The following AGBL4 variants were observed in gnomAD, a reference collection of about 807,000 sequenced individuals.
The protein encoded by AGBL4 is cytosolic carboxypeptidase 6.
In AGBL4, 58 loss-of-function variants were observed where a neutral mutation model predicts 66.4. The ratio of observed to expected loss-of-function variants is 0.87; its 90% CI spans 0.71 to 1.09. The LOEUF (loss-of-function observed/expected upper bound fraction) is 1.09, where lower values mean the gene tolerates loss of function less well. AGBL4 is among the 50% of genes least tolerant of loss of function. The pLI, the probability that AGBL4 is intolerant of heterozygous loss-of-function variation, is 0.00. For missense variants in AGBL4, 579 were observed against 631.0 expected (o/e 0.92, Z 0.88); for synonymous variants, 234 against 222.9 (o/e 1.05, Z -0.44).
At chr1:49,338,047 A>C (rs1645471682) in intron 3 of AGBL4, among the ~76,000 whole-genome samples, 1 of 152,194 alleles carries the variant, frequency 6.6e-6, no homozygotes, top group African/African-American at 2.4e-5. Context: ...AAATTATTGA[A>C]GTTTAGTTAC....
At position 48,795,523 on chromosome 1, in the gene AGBL4, A is replaced by G. The variant is rs1015198699; in HGVS notation, c.634+71668T>C. On this transcript the variant is annotated intron_variant, in intron 6 of 13. Coordinates refer to ENST00000371839, the MANE Select transcript of AGBL4 (RefSeq NM_032785.4). Reference sequence around the variant, plus strand: ...TATCCTGTATACCCAGTTTCCTCCAATGGTAACATCTTGCATACTAGAGTA... The same window carrying G: ...TATCCTGTATACCCAGTTTCCTCCAGTGGTAACATCTTGCATACTAGAGTA... Among the ~76,000 whole-genome samples the G allele has an allele frequency of 3.3e-5, 5 of 152,164 alleles. No individual in the cohort carries two copies. The East Asian group carries it at 9.6e-4, about 29-fold the overall frequency.
intron 5 of AGBL4, among the ~76,000 whole-genome samples, chr1:48,946,289 T>C (rs1376530350): frequency 6.6e-6 from 1 of 152,206 alleles, no homozygotes; most frequent in African/African-American, 2.4e-5. Flanking sequence ...GGCTGCCCTA[T>C]GACCCATGAA....
intron 1 of AGBL4, among the ~76,000 whole-genome samples, chr1:49,890,857 T>C (rs991915988): frequency 6.6e-6 from 1 of 152,136 alleles, no homozygotes; most frequent in Non-Finnish European, 1.5e-5. Context: ...AGCCCAAAAC[T>C]ATGATCAGAG....
intron 2 of AGBL4, among the ~76,000 whole-genome samples, chr1:49,783,429 T>G (rs900702462): frequency 6.6e-6 from 1 of 152,144 alleles, no homozygotes; most frequent in African/African-American, 2.4e-5. Context: ...AAATGGTCAT[T>G]GCAATAGATG....
chr1:48,854,262 T>C (rs1647096272), intron 6 of AGBL4, among the ~76,000 whole-genome samples: 1 of 152,198 alleles, frequency 6.6e-6, no homozygotes, highest in Non-Finnish European at 1.5e-5. Context: ...TAAATAAGGC[T>C]GGCATCCTGC....
intron 4 of AGBL4, among the ~76,000 whole-genome samples, chr1:49,214,780 G>C (rs1485582157): frequency 6.6e-6 from 1 of 152,098 alleles, no homozygotes; most frequent in Non-Finnish European, 1.5e-5. Context: ...AAAAAAGATT[G>C]AAATGTAGTC....
chr1:49,781,244 C>T (rs369398320), intron 2 of AGBL4, among the ~76,000 whole-genome samples: 1 of 151,912 alleles, frequency 6.6e-6, no homozygotes, highest in African/African-American at 2.4e-5. Flanking sequence ...AAAACAAAAA[C>T]TTAGCCAGGT....
intron 2 of AGBL4, among the ~76,000 whole-genome samples, chr1:49,744,678 A>G (rs1374080463): frequency 1.3e-5 from 2 of 152,120 alleles, no homozygotes; most frequent in Non-Finnish European, 2.9e-5. Context: ...TTTGTTTGTA[A>G]CTTTTTTCTT....
At chr1:49,019,545 T>C (rs1478946927) in intron 5 of AGBL4, among the ~76,000 whole-genome samples, 1 of 152,190 alleles carries the variant, frequency 6.6e-6, no homozygotes, top group Admixed American at 6.5e-5. Context: ...CTGATCAAGG[T>C]AACCAGGTAA....
rs556530467 is a variant in AGBL4, at chr1:49,046,830, C to T, written c.378-1030G>A. ...AACCACCAAGGTTGATTTGGAAGAT[C>T]CTTAAAGGAAGGGATGCTCCTGGGG... is the stretch of plus-strand genomic sequence containing the variant. On this transcript the variant is annotated intron_variant, in intron 4 of 13. Coordinates refer to ENST00000371839, the MANE Select transcript of AGBL4 (RefSeq NM_032785.4). Among the ~76,000 whole-genome samples, 12 of 152,232 alleles carry T rather than the reference C, an allele frequency of 7.9e-5. No individual in the cohort carries two copies. The East Asian group carries it at 1.7e-3, about 22-fold the overall frequency.
intron 2 of AGBL4, among the ~76,000 whole-genome samples, chr1:49,828,993 C>T (rs1251986903): frequency 6.6e-6 from 1 of 151,214 alleles, no homozygotes; most frequent in Non-Finnish European, 1.5e-5. Context: ...GGCGTGAACC[C>T]GGGAGGCGGA....
intron 5 of AGBL4, among the ~76,000 whole-genome samples, chr1:48,992,332 C>T (rs185289156): frequency 6.6e-6 from 1 of 151,760 alleles, no homozygotes; most frequent in Admixed American, 6.6e-5. Flanking sequence ...TTGTTCTCTT[C>T]CTTCCAATCA....
chr1:48,563,564 G>C (rs1191835635), intron 11 of AGBL4, among the ~76,000 whole-genome samples: 1 of 152,058 alleles, frequency 6.6e-6, no homozygotes, highest in East Asian at 1.9e-4. Flanking sequence ...GAGATACAGA[G>C]AGTAACAACA....
chr1:49,983,633 A>G (rs938007225), intron 1 of AGBL4, among the ~76,000 whole-genome samples: 5 of 152,242 alleles, frequency 3.3e-5, no homozygotes, highest in Admixed American at 2.6e-4. Context: ...GCAAAGCAAC[A>G]CCCCAAGCAT....
intron 6 of AGBL4, among the ~76,000 whole-genome samples, chr1:48,842,423 C>T (rs903786618): frequency 3.3e-5 from 5 of 152,262 alleles, no homozygotes; most frequent in Middle Eastern, 3.4e-3. Flanking sequence ...ATTCGAGTTT[C>T]TTATGATTAT....
Position 50,002,948 on chromosome 1 carries a change from A to C in AGBL4, c.34+20815T>G, listed in dbSNP as rs1660873236. ...ACAGAAGTTAAATTAACAAAATAAA[A>C]GTTAATAGAAGTTAATCAAAGTTAA... On this transcript the variant is annotated intron_variant, in intron 1 of 13. Coordinates refer to ENST00000371839, the MANE Select transcript of AGBL4 (RefSeq NM_032785.4). Among the ~76,000 whole-genome samples, 4 of 152,224 alleles carry C rather than the reference A, an allele frequency of 2.6e-5. No individual in the cohort carries two copies. The East Asian group carries it at 5.8e-4, about 22-fold the overall frequency.
At chr1:48,918,804 C>T (rs1653837804) in intron 5 of AGBL4, among the ~76,000 whole-genome samples, 1 of 152,158 alleles carries the variant, frequency 6.6e-6, no homozygotes, top group African/African-American at 2.4e-5. Context: ...CTCACCTGGG[C>T]GTCAGCACAG....
At chr1:49,554,704 C>G (rs372113217) in intron 3 of AGBL4, among the ~76,000 whole-genome samples, 3 of 152,128 alleles carry the variant, frequency 2.0e-5, no homozygotes, top group South Asian at 4.1e-4. Context: ...AGACGCGGAC[C>G]CTCGCGGTGA....
intron 9 of AGBL4, among the ~76,000 whole-genome samples, chr1:48,619,161 C>T (rs1475380051): frequency 6.6e-6 from 1 of 152,164 alleles, no homozygotes; most frequent in Non-Finnish European, 1.5e-5. Flanking sequence ...AGTTGTGTGA[C>T]CTTGCAGGTT....
Sources: gnomAD v4.1 joint callset for allele counts (sites outside exome capture counted in the v4.1 genomes callset) on GRCh38, gnomAD v4.1.1 for gene constraint, MANE v1.5 for transcripts, NCBI Gene and HGNC (gene_info 2026-07-23, HGNC 2026-07-21) for gene names.